TOMM34: variants seen among roughly 807,000 people sequenced by gnomAD.
The protein encoded by TOMM34 is translocase of outer mitochondrial membrane 34, also known as mitochondrial import receptor subunit TOM34.
TOMM34 carries 24 observed loss-of-function variants against 37.4 expected under a neutral mutation model. The observed-to-expected ratio is 0.64, with a 90% confidence interval of 0.46 to 0.90. TOMM34 has a LOEUF of 0.90. Among genes scored for constraint, TOMM34 ranks in the 40% least tolerant of loss-of-function variants. TOMM34 has a pLI of 0.00. For missense variants in TOMM34, 304 were observed against 375.6 expected (o/e 0.81, Z 1.58); for synonymous variants, 154 against 148.9 (o/e 1.03, Z -0.25).
chr20:44,945,346 G>C (rs1179550697), intron 5 of TOMM34, among the ~76,000 whole-genome samples: 1 of 152,232 alleles, frequency 6.6e-6, no homozygotes, highest in Non-Finnish European at 1.5e-5. Flanking sequence ...TCCACTGAGA[G>C]GCGGAGGTGT....
chr20:44,952,696 C>T, intron 3 of TOMM34: 1 of 717,168 alleles, frequency 1.4e-6, no homozygotes, highest in Admixed American at 2.0e-5. Flanking sequence ...AACTGATCTC[C>T]AGCACCTGGT....
chr20:44,945,503 G>A (rs2066972845), intron 5 of TOMM34, among the ~76,000 whole-genome samples: 1 of 152,172 alleles, frequency 6.6e-6, no homozygotes. Flanking sequence ...CTCGCTCTTG[G>A]AGCCTTGAAC....
rs193148618 is a variant in TOMM34, at chr20:44,950,635, T to C, written c.550+1198A>G. On this transcript the variant is annotated intron_variant, in intron 4 of 6. Coordinates refer to ENST00000372813, the MANE Select transcript of TOMM34 (RefSeq NM_006809.5). ...ATTGAAAGAATGAAATCAATGGCACTGATGCCATCAGGTTCATTAGCACCG... is the reference window on the plus strand; with the variant it reads ...ATTGAAAGAATGAAATCAATGGCACCGATGCCATCAGGTTCATTAGCACCG... 1.7e-3 allele frequency among the ~76,000 whole-genome samples: 263 copies of C among 152,368 alleles called. 1 individual carries two copies. Among genetic ancestry groups the C allele is most frequent in the Admixed American group, 8.2e-3 (126 of 15,308 alleles).
Position 44,960,319 on chromosome 20 carries a change from G to A in TOMM34, c.15C>T (p.Phe5=). 6.3e-7 allele frequency: 1 copy of A among 1,579,924 alleles called. No homozygotes were observed. ...CGCGGAGCTCCTCCACAGAGTCTGG[G>A]AATTTGGGGGCCATCCCGTGGCCAG... MAPK[F]PDSVEELRAA... Residue 5 remains phenylalanine, a synonymous_variant, in exon 1 of 7, where the codon TTC becomes TTT. Transcript: ENST00000372813.
intron 6 of TOMM34, 115 bp downstream of exon 6, chr20:44,943,338 G>A (rs2066951975): frequency 6.3e-7 from 1 of 1,593,982 alleles, no homozygotes; most frequent in Admixed American, 1.7e-5. Flanking sequence ...CTGGGCCCAG[G>A]ATGAGAAGGA....
intron 1 of TOMM34, among the ~76,000 whole-genome samples, chr20:44,959,579 CTT>C (rs2067107333): frequency 6.6e-6 from 1 of 152,186 alleles, no homozygotes; most frequent in East Asian, 1.9e-4. Flanking sequence ...GCTCACTATG[CTT>C]TGACCCCTGA....
intron 6 of TOMM34, 108 bp downstream of exon 6, chr20:44,943,345 A>T: frequency 6.3e-7 from 1 of 1,595,228 alleles, no homozygotes; most frequent in South Asian, 1.1e-5. Flanking sequence ...CAGGATGAGA[A>T]GGAAAAGCTG....
chr20:44,954,828 T>C (rs1163956285), intron 3 of TOMM34, among the ~76,000 whole-genome samples: 2 of 152,214 alleles, frequency 1.3e-5, no homozygotes, highest in Admixed American at 6.5e-5. Context: ...ACTGTGTACA[T>C]AGATACTGTG....
chr20:44,952,352 A>C (rs1895177088), intron 3 of TOMM34, among the ~76,000 whole-genome samples: 1 of 150,682 alleles, frequency 6.6e-6, no homozygotes, highest in Non-Finnish European at 1.5e-5. Flanking sequence ...CAAGTACACA[A>C]CCATGCAAGC....
Position 44,955,102 on chromosome 20 carries a change from C to T in TOMM34, c.346G>A (p.Asp116Asn). ...VDYKTVLQID[D>N]NVTSAVEGIN... ...CCTTCTACGGCTGACGTCACATTAT[C>T]ATCAATCTGCAGCACAGTCTTATAG... is the stretch of plus-strand genomic sequence containing the variant. The change falls in exon 3 of 7, where the codon GAT (aspartate) becomes AAT (asparagine). Residue 116 changes from aspartate (D) to asparagine (N), a missense_variant. Coordinates refer to ENST00000372813, the MANE Select transcript of TOMM34 (RefSeq NM_006809.5). The T allele has an allele frequency of 6.2e-7, 1 of 1,614,162 alleles. No individual in the cohort carries two copies. The highest frequency in any genetic ancestry group is 8.5e-7 in the Non-Finnish European group (1 of 1,180,018).
intron 1 of TOMM34, chr20:44,959,817 C>T: frequency 1.8e-6 from 1 of 566,560 alleles, no homozygotes; most frequent in Non-Finnish European, 2.2e-6. Context: ...TACTTACTGA[C>T]TCGCTTAAGA....
At chr20:44,944,607 T>C (rs2066964888) in intron 5 of TOMM34, among the ~76,000 whole-genome samples, 1 of 152,158 alleles carries the variant, frequency 6.6e-6, no homozygotes, top group African/African-American at 2.4e-5. Context: ...TCCCAGCACT[T>C]TGGGAGGCCA....
chr20:44,943,552 C>G lies in TOMM34; in HGVS notation c.726G>C (p.Gln242His). Reference sequence around the variant, plus strand: ...TGCAGTCCTTCACTGCTTCTGTGTACTGCTTCAGGACCAAATAGCAGAGTG... The same window carrying G: ...TGCAGTCCTTCACTGCTTCTGTGTAGTGCTTCAGGACCAAATAGCAGAGTG... ...NRALCYLVLK[Q>H]YTEAVKDCTE... The change falls in exon 6 of 7, where the codon CAG becomes CAC. Residue 242 changes from glutamine to histidine, a missense_variant. Physicochemically the swap from Gln to His is conservative, Grantham distance 24. Transcript: ENST00000372813. 1 of 1,614,206 alleles carries G rather than the reference C, an allele frequency of 6.2e-7. No individual in the cohort carries two copies.
rs551405667 is a variant in TOMM34, at chr20:44,955,338, G to A, written c.228-118C>T. The A allele has an allele frequency of 1.1e-4, 146 of 1,334,504 alleles. No homozygotes were observed. In the African/African-American group the frequency reaches 1.7e-3, roughly 16 times the overall value. 82.7% of individuals were successfully genotyped at this position (1,334,504 alleles called of 1,614,324 possible). A position where few individuals can be genotyped will look rare whatever the true frequency, so the allele number is the denominator to read the frequency against. Reference sequence around the variant, plus strand: ...AGCGTACAGGAAGTAATTTCTGGCCGAGAGACATGGCTAAAAACGCCAAAC... The same window carrying A: ...AGCGTACAGGAAGTAATTTCTGGCCAAGAGACATGGCTAAAAACGCCAAAC... On this transcript the variant is annotated intron_variant, in intron 2 of 6. Coordinates refer to ENST00000372813, the MANE Select transcript of TOMM34 (RefSeq NM_006809.5).
chr20:44,943,057 A>G lies in TOMM34; in HGVS notation c.*52T>C. The G allele has an allele frequency of 5.7e-6, 9 of 1,590,500 alleles. 1 individual carries two copies. In the South Asian group the frequency reaches 9.9e-5, roughly 18 times the overall value. On this transcript the variant is annotated 3_prime_UTR_variant, in exon 7 of 7. Transcript: ENST00000372813. ...GGAGCGGGCACAGAGCAGGTGGCCCATGGCTTCTCTGGGTAAGGTCAGGCA... is the reference window on the plus strand; with the variant it reads ...GGAGCGGGCACAGAGCAGGTGGCCCGTGGCTTCTCTGGGTAAGGTCAGGCA...
rs1181779211 is a variant in TOMM34, at chr20:44,956,434, C to G, written c.179G>C (p.Cys60Ser). 14 of 1,614,210 alleles carry G rather than the reference C, an allele frequency of 8.7e-6. No individual in the cohort carries two copies. The highest frequency in any genetic ancestry group is 1.2e-5 in the Non-Finnish European group (14 of 1,180,032). Residue 60 changes from cysteine to serine, a missense_variant, in exon 2 of 7, where the codon TGT (cysteine) becomes TCT (serine). Transcript: ENST00000372813. ...TCTGCAGTTTCCATCCTTCAAGTGA[C>G]ATGCTGCTCGGTTGGAGTAGAGAAC... ...ESVLYSNRAA[C>S]HLKDGNCRDC...
At chr20:44,950,580 T>G (rs973457232) in intron 4 of TOMM34, among the ~76,000 whole-genome samples, 1 of 152,164 alleles carries the variant, frequency 6.6e-6, no homozygotes, top group Admixed American at 6.5e-5. Flanking sequence ...TGCACTGATT[T>G]AAAGAATGAA....
At position 44,943,551 on chromosome 20, in the gene TOMM34, A is replaced by G. The variant is rs142719651; in HGVS notation, c.727T>C (p.Tyr243His). The G allele has an allele frequency of 1.9e-6, 3 of 1,614,094 alleles. No homozygotes were observed. The highest frequency in any genetic ancestry group is 2.5e-6 in the Non-Finnish European group (3 of 1,180,002). Reference sequence around the variant, plus strand: ...GTGCAGTCCTTCACTGCTTCTGTGTACTGCTTCAGGACCAAATAGCAGAGT... The same window carrying G: ...GTGCAGTCCTTCACTGCTTCTGTGTGCTGCTTCAGGACCAAATAGCAGAGT... Reference protein sequence around the residue: ...RALCYLVLKQYTEAVKDCTEA... With the variant: ...RALCYLVLKQHTEAVKDCTEA... The change falls in exon 6 of 7, where the codon TAC becomes CAC. Residue 243 changes from tyrosine (Y) to histidine (H), a missense_variant. Tyr to His is a moderately conservative substitution (Grantham distance 83). Transcript: ENST00000372813.
chr20:44,960,093 G>C (rs1458036979), intron 1 of TOMM34, 114 bp downstream of exon 1: 2 of 1,427,920 alleles, frequency 1.4e-6, no homozygotes, highest in African/African-American at 3.0e-5. Context: ...AGTCGGAAGG[G>C]GCTGGAAGGG....
Sources: allele counts gnomAD v4.1 joint callset (sites outside exome capture counted in the v4.1 genomes callset), GRCh38; gene constraint gnomAD v4.1.1; transcripts MANE v1.5; gene names NCBI Gene and HGNC (gene_info 2026-07-23, HGNC 2026-07-21).